ASTN1: variants seen among roughly 807,000 people sequenced by gnomAD.
The protein encoded by ASTN1 is astrotactin-1.
Under a neutral mutation model 140.7 loss-of-function variants are expected in ASTN1, and 41 were observed. The ratio of observed to expected loss-of-function variants is 0.29; its 90% CI spans 0.23 to 0.38. The LOEUF is 0.38. Among genes scored for constraint, ASTN1 ranks in the 10% least tolerant of loss-of-function variants. The pLI is 1.00. For synonymous variants in ASTN1, 640 were observed against 652.2 expected, an observed-to-expected ratio of 0.98 and a Z score of 0.29; for missense variants, 1,479 against 1,678.8, an observed-to-expected ratio of 0.88 and a Z score of 2.08.
chr1:177,028,261 G>T (rs1676230454), intron 5 of ASTN1, among the ~76,000 whole-genome samples: 2 of 152,158 alleles, frequency 1.3e-5, no homozygotes, highest in Admixed American at 1.3e-4. Context: ...GCCTGGATTA[G>T]CTGGGCCTAG....
At chr1:176,882,015 C>A (rs1333438656) in intron 20 of ASTN1, among the ~76,000 whole-genome samples, 2 of 152,198 alleles carry the variant, frequency 1.3e-5, no homozygotes, top group African/African-American at 4.8e-5. Flanking sequence ...CCTTAGCACC[C>A]AAATTTTTCC....
At position 176,863,446 on chromosome 1, in the gene ASTN1, GT is replaced by G. The variant is rs1470865860; in HGVS notation, c.*837del. On this transcript the variant is annotated 3_prime_UTR_variant, in exon 23 of 23. Coordinates refer to ENST00000361833, the MANE Select transcript of ASTN1 (RefSeq NM_004319.3). ...GAGAAGTCTATCCAAAGGAAGCATG[GT>G]TTTTTTAAAAAACAATAAACTCCAA... 7.1e-6 allele frequency: 7 copies of G among 985,630 alleles called. No homozygotes were observed. The highest frequency in any genetic ancestry group is 5.2e-4 in the Middle Eastern group (1 of 1,936). 61.1% of individuals were successfully genotyped at this position (985,630 alleles called of 1,614,324 possible).
At chr1:177,147,818 G>A (rs1319805923) in intron 1 of ASTN1, among the ~76,000 whole-genome samples, 7 of 152,164 alleles carry the variant, frequency 4.6e-5, no homozygotes, top group Admixed American at 1.3e-4. Flanking sequence ...ATGCCAAAAA[G>A]TAGCAAGGAG....
chr1:177,071,752 T>G (rs188458815), intron 1 of ASTN1, among the ~76,000 whole-genome samples: 14 of 152,290 alleles, frequency 9.2e-5, no homozygotes, highest in African/African-American at 3.4e-4. Context: ...GTATTTTTTG[T>G]CTCTCTGTGA....
chr1:177,135,269 T>C (rs1402369096), intron 1 of ASTN1, among the ~76,000 whole-genome samples: 2 of 151,990 alleles, frequency 1.3e-5, no homozygotes, highest in Non-Finnish European at 2.9e-5. Context: ...AGTTAATTCA[T>C]ATGTTGAGTA....
chr1:177,149,122 A>C (rs572209842), intron 1 of ASTN1, among the ~76,000 whole-genome samples: 107 of 103,628 alleles, frequency 1.0e-3, no homozygotes, highest in African/African-American at 3.3e-4. Flanking sequence ...ATATATAGTA[A>C]ATATATATAG....
intron 1 of ASTN1, among the ~76,000 whole-genome samples, chr1:177,115,983 C>T (rs900959825): frequency 6.6e-6 from 1 of 152,190 alleles, no homozygotes; most frequent in Admixed American, 6.6e-5. Context: ...AATATCTTTA[C>T]ATGATGAATC....
chr1:177,100,930 T>C (rs1420894868), intron 1 of ASTN1, among the ~76,000 whole-genome samples: 1 of 152,002 alleles, frequency 6.6e-6, no homozygotes, highest in Non-Finnish European at 1.5e-5. Flanking sequence ...CCGTCTCTAA[T>C]AAAAATACAA....
At chr1:176,860,151 G>C (rs1050911569), downstream of ASTN1, among the ~76,000 whole-genome samples, 1 of 152,164 alleles carries the variant, frequency 6.6e-6, no homozygotes, top group Non-Finnish European at 1.5e-5. Context: ...AAGCCCTAAG[G>C]CCTTTTACGA....
At chr1:176,867,269 G>A (rs1226675348) in intron 22 of ASTN1, among the ~76,000 whole-genome samples, 1 of 151,692 alleles carries the variant, frequency 6.6e-6, no homozygotes, top group Admixed American at 6.6e-5. Flanking sequence ...AAAAAGAACG[G>A]TATATATACA....
chr1:176,872,412 A>C (rs1668386858), intron 21 of ASTN1, among the ~76,000 whole-genome samples: 1 of 152,152 alleles, frequency 6.6e-6, no homozygotes, highest in Admixed American at 6.6e-5. Context: ...AAATAAGTAA[A>C]ATATAGTGTG....
At chr1:176,940,847 T>A (rs888641016) in intron 14 of ASTN1, among the ~76,000 whole-genome samples, 4 of 152,326 alleles carry the variant, frequency 2.6e-5, no homozygotes, top group East Asian at 1.9e-4. Context: ...ATTCTCTAGT[T>A]AAATAGACTC....
intron 8 of ASTN1, among the ~76,000 whole-genome samples, chr1:177,006,073 T>C (rs1674979549): frequency 1.3e-5 from 2 of 152,072 alleles, no homozygotes; most frequent in Non-Finnish European, 2.9e-5. Flanking sequence ...ATTAAAGGAG[T>C]TTCACCTGAA....
At position 177,033,856 on chromosome 1, in the gene ASTN1, C is replaced by T. The variant is rs186301075; in HGVS notation, c.472-1007G>A. Reference sequence around the variant, plus strand: ...ACTGAACACATGGCCTTGACATCACCGGGGCAGCATTTAGAGGGACAGCCT... The same window carrying T: ...ACTGAACACATGGCCTTGACATCACTGGGGCAGCATTTAGAGGGACAGCCT... On this transcript the variant is annotated intron_variant, in intron 2 of 22. Transcript: ENST00000361833. Among the ~76,000 whole-genome samples the T allele has an allele frequency of 1.1e-4, 16 of 152,142 alleles. No individual in the cohort carries two copies. The East Asian group carries it at 1.4e-3, about 13-fold the overall frequency.
At chr1:176,986,229 A>C (rs569187569) in intron 8 of ASTN1, among the ~76,000 whole-genome samples, 1 of 152,362 alleles carries the variant, frequency 6.6e-6, no homozygotes, top group South Asian at 2.1e-4. Context: ...AGGTCTAAAT[A>C]AGAAATAACT....
At chr1:176,930,397 T>C (rs750313087) in intron 16 of ASTN1, among the ~76,000 whole-genome samples, 58 of 151,392 alleles carry the variant, frequency 3.8e-4, no homozygotes, top group Non-Finnish European at 6.8e-4. Context: ...AGGAGAGAAT[T>C]AGGAGCAACA....
chr1:176,918,698 C>T (rs1433118082), intron 16 of ASTN1, among the ~76,000 whole-genome samples: 2 of 152,136 alleles, frequency 1.3e-5, no homozygotes, highest in Non-Finnish European at 2.9e-5. Context: ...TAAATGGTGT[C>T]CCTGTGTCCA....
Position 176,958,441 on chromosome 1 carries a change from C to T in ASTN1, c.1640G>A (p.Ser547Asn). Residue 547 changes from serine (S) to asparagine (N), a missense_variant, in exon 10 of 23, where the codon AGC becomes AAC. Around this residue, in one of 3 missense-constraint regions of ASTN1, gnomAD observed 729 missense variants for 860.4 expected, o/e 0.85. Coordinates refer to ENST00000361833, the MANE Select transcript of ASTN1 (RefSeq NM_004319.3). ...GGCTGGTGGAATCACAAAGCTCTTG[C>T]TGAGGGGCAACCACATGCCCTCCCC... The part of the protein sequence containing the change: ...TLGEGMWLPL[S>N]KSFVIPPAEL... 6.2e-7 allele frequency: 1 copy of T among 1,613,974 alleles called. No individual in the cohort carries two copies. The highest frequency in any genetic ancestry group is 8.5e-7 in the Non-Finnish European group (1 of 1,179,966).
chr1:177,103,817 G>A (rs1558097313), intron 1 of ASTN1, among the ~76,000 whole-genome samples: 1 of 152,100 alleles, frequency 6.6e-6, no homozygotes, highest in African/African-American at 2.4e-5. Flanking sequence ...AAAGTAACTT[G>A]CCTAAGACAG....
Sources: gnomAD v4.1 joint callset for allele counts (sites outside exome capture counted in the v4.1 genomes callset) on GRCh38, gnomAD v4.1.1 for gene constraint, gnomAD v4.1.1 regional missense constraint, MANE v1.5 for transcripts, NCBI Gene and HGNC (gene_info 2026-07-23, HGNC 2026-07-21) for gene names.